The following CORO7 variants were observed in gnomAD, a reference collection of about 807,000 sequenced individuals.
The protein encoded by CORO7 is coronin 7.
Under a neutral mutation model 126.6 loss-of-function variants are expected in CORO7, and 107 were observed. The ratio of observed to expected loss-of-function variants is 0.85; its 90% confidence interval spans 0.72 to 0.99. CORO7 has a LOEUF of 0.99. Ranked by LOEUF, CORO7 falls within the 50% of genes least tolerant of loss-of-function variation. The probability of loss-of-function intolerance (pLI) is 0.00; values close to 1 mark genes in which losing one functional copy is unlikely to be tolerated. For missense variants in CORO7, 1,314 were observed against 1,255.8 expected (o/e 1.05, Z -0.70); for synonymous variants, 603 against 536.8 (o/e 1.12, Z -1.70).
At chr16:4,369,433 CCACT>C in intron 9 of CORO7, among the ~76,000 whole-genome samples, 1 of 152,330 alleles carries the variant, frequency 6.6e-6, no homozygotes, top group Non-Finnish European at 1.5e-5. Flanking sequence ...TCTGGGCCTG[CCACT>C]GGGAAGGGCT....
intron 5 of CORO7, 133 bp from the exon 6 acceptor site, chr16:4,405,700 A>T: frequency 9.4e-7 from 1 of 1,065,350 alleles, no homozygotes; most frequent in Non-Finnish European, 1.3e-6. Context: ...CAAGGGGGCA[A>T]GGGCAGCAGC....
Position 4,359,712 on chromosome 16 carries a change from C to G in CORO7, c.2109-91G>C. The G allele has an allele frequency of 2.7e-6, 4 of 1,477,142 alleles. No homozygotes were observed. The Admixed American group carries it at 7.3e-5, about 27-fold the overall frequency. 91.5% of individuals were successfully genotyped at this position (1,477,142 alleles called of 1,614,324 possible). On this transcript the variant is annotated intron_variant, in intron 21 of 27. Transcript: ENST00000251166. Reference sequence around the variant, plus strand: ...GCGCCCACGTAGCCCCTGCTCTGTTCTGGGTTGTAGGCGAGGCCTAGTGTG... The same window carrying G: ...GCGCCCACGTAGCCCCTGCTCTGTTGTGGGTTGTAGGCGAGGCCTAGTGTG...
Position 4,368,887 on chromosome 16 carries a change from G to A in CORO7, c.786-3342C>T, listed in dbSNP as rs556928821. ...TGGCTGCTGGGGGCACAGGCTGGGA[G>A]GAGTGGAAACAGGTGCCAGGACAGA... On this transcript the variant is annotated intron_variant, in intron 9 of 27. Coordinates refer to ENST00000251166, the MANE Select transcript of CORO7 (RefSeq NM_024535.5). Among the ~76,000 whole-genome samples the A allele has an allele frequency of 1.1e-4, 17 of 152,354 alleles. No homozygotes were observed. In the South Asian group the frequency reaches 3.5e-3, roughly 32 times the overall value.
At chr16:4,405,854 T>C (rs2055980052) in intron 5 of CORO7, among the ~76,000 whole-genome samples, 1 of 151,046 alleles carries the variant, frequency 6.6e-6, no homozygotes, top group African/African-American at 2.4e-5. Flanking sequence ...CCAACATAGC[T>C]CCCCACCAAC....
At chr16:4,356,226 T>G (rs1001613282) in intron 26 of CORO7, among the ~76,000 whole-genome samples, 22 of 152,210 alleles carry the variant, frequency 1.4e-4, no homozygotes, top group African/African-American at 4.8e-4. Flanking sequence ...GTGCTGGGAT[T>G]ACAGGCGTGA....
intron 9 of CORO7, chr16:4,381,631 A>G (rs756841320): frequency 2.5e-6 from 4 of 1,600,206 alleles, no homozygotes; most frequent in Non-Finnish European, 2.6e-6. Flanking sequence ...CAACACCCGC[A>G]TTGCCCAGCT....
At chr16:4,393,279 G>A (rs1410993446) in intron 7 of CORO7, among the ~76,000 whole-genome samples, 1 of 152,180 alleles carries the variant, frequency 6.6e-6, no homozygotes, top group Non-Finnish European at 1.5e-5. Context: ...CCTGGGCCCC[G>A]CTTTCTGGGC....
intron 16 of CORO7, 51 bp downstream of exon 16, chr16:4,361,934 T>G: frequency 1.3e-6 from 2 of 1,560,816 alleles, no homozygotes; most frequent in Non-Finnish European, 1.7e-6. Flanking sequence ...CTCCGCGTCT[T>G]TGCCACAGGC....
chr16:4,379,916 TGC>T (rs2054891064), intron 9 of CORO7, among the ~76,000 whole-genome samples: 1 of 147,392 alleles, frequency 6.8e-6, no homozygotes, highest in East Asian at 2.0e-4. Context: ...AAATTAGCCA[TGC>T]ATGGTGGCTG....
chr16:4,362,165 C>T lies in CORO7; in HGVS notation c.1403-5G>A. 6.2e-7 allele frequency: 1 copy of T among 1,604,162 alleles called. No individual in the cohort carries two copies. The highest frequency in any genetic ancestry group is 8.5e-7 in the Non-Finnish European group (1 of 1,175,912). ...GGCGGAACTTGGAACTGGGGCCTGG[C>T]AGGTGGCAGGGACATGGAACCACGT... On this transcript the variant is annotated splice_region_variant and splice_polypyrimidine_tract_variant and intron_variant, in intron 15 of 27. Coordinates refer to ENST00000251166, the MANE Select transcript of CORO7 (RefSeq NM_024535.5). The surrounding 1 kb of genome is among the most constrained non-coding windows in gnomAD (Gnocchi z 5.3).
rs2054310120 is a variant in CORO7, at chr16:4,365,203, G to A, written c.841-143C>T. On this transcript the variant is annotated intron_variant, in intron 10 of 27. Transcript: ENST00000251166. Reference sequence around the variant, plus strand: ...GAGATGGGGCTCCCCAACATGCTGGGCGCTGAGCTGAGCCCTAGGCTGACT... The same window carrying A: ...GAGATGGGGCTCCCCAACATGCTGGACGCTGAGCTGAGCCCTAGGCTGACT... 10 of 1,358,258 alleles carry A rather than the reference G, an allele frequency of 7.4e-6. No homozygotes were observed. In the East Asian group the frequency reaches 2.5e-4, roughly 34 times the overall value. 84.1% of individuals were successfully genotyped at this position (1,358,258 alleles called of 1,614,324 possible).
intron 6 of CORO7, among the ~76,000 whole-genome samples, chr16:4,400,420 T>A (rs9923354): frequency 2.6e-5 from 4 of 151,970 alleles, no homozygotes; most frequent in African/African-American, 7.3e-5. Context: ...GATCACCTGA[T>A]GTCAGGAGTT....
intron 9 of CORO7, chr16:4,381,625 A>T (rs759951755): frequency 1.3e-6 from 2 of 1,598,632 alleles, no homozygotes; most frequent in Admixed American, 1.7e-5. Flanking sequence ...GGCCGGCAAC[A>T]CCCGCATTGC....
Position 4,355,058 on chromosome 16 carries a change from G to C in CORO7, c.*100C>G. ...GAAGGCAGGAGTGCAGGGGTGACAT[G>C]TGCCGGGGCCAGAGAGGTATCTTCC... On this transcript the variant is annotated 3_prime_UTR_variant, in exon 28 of 28. Transcript: ENST00000251166. 7.5e-7 allele frequency: 1 copy of C among 1,336,714 alleles called. No individual in the cohort carries two copies. The highest frequency in any genetic ancestry group is 9.9e-7 in the Non-Finnish European group (1 of 1,005,538). 82.8% of individuals were successfully genotyped at this position (1,336,714 alleles called of 1,614,324 possible).
rs983901577 is a variant in CORO7, at chr16:4,360,522, A to T, written c.1944T>A (p.Asp648Glu). 1 of 1,610,078 alleles carries T rather than the reference A, an allele frequency of 6.2e-7. No individual in the cohort carries two copies. The highest frequency in any genetic ancestry group is 1.7e-5 in the Admixed American group (1 of 59,594). The change falls in exon 20 of 28, where the codon GAT becomes GAA. Residue 648 changes from aspartate (D) to glutamate (E), a missense_variant. By Grantham distance (45) the Asp-to-Glu change is conservative. Coordinates refer to ENST00000251166, the MANE Select transcript of CORO7 (RefSeq NM_024535.5). ...DQIFSLAWSP[D>E]GQQLATVCKD... ...TGCAGACAGTGGCCAGCTGCTGCCC[A>T]TCAGGACTCCAGGCCAGGCTGAAGA...
intron 1 of CORO7, chr16:4,415,679 T>C (rs938420060): frequency 2.0e-6 from 2 of 983,482 alleles, no homozygotes; most frequent in Admixed American, 1.2e-4. Context: ...GGTCAACTCC[T>C]AGGCCCAGTT....
At chr16:4,358,540 C>T (rs189910559) in intron 23 of CORO7, 57 bp from the exon 24 acceptor site, 154 of 1,502,520 alleles carry the variant, frequency 1.0e-4, no homozygotes, top group Non-Finnish European at 1.1e-4. Context: ...TGGCTGGGCA[C>T]GTAGTCTCCC....
chr16:4,399,156 A>G (rs2055709794), intron 6 of CORO7, among the ~76,000 whole-genome samples: 1 of 152,208 alleles, frequency 6.6e-6, no homozygotes, highest in Non-Finnish European at 1.5e-5. Context: ...AAAAGAACTG[A>G]AAGCAGGCCA....
At chr16:4,401,846 C>T (rs1053421469) in intron 6 of CORO7, among the ~76,000 whole-genome samples, 22 of 152,008 alleles carry the variant, frequency 1.4e-4, no homozygotes, top group African/African-American at 5.1e-4. Context: ...GTCCAGATGC[C>T]AACACCACCA....
Sources: gnomAD v4.1 joint callset for allele counts (sites outside exome capture counted in the v4.1 genomes callset) on GRCh38, gnomAD v4.1.1 for gene constraint, Gnocchi (gnomAD v3.1) non-coding constraint, MANE v1.5 for transcripts, NCBI Gene and HGNC (gene_info 2026-07-23, HGNC 2026-07-21) for gene names.